Variants in FECH observed in about 807,000 individuals in gnomAD.
The protein encoded by FECH is ferrochelatase.
In FECH, 40 loss-of-function variants were observed where a neutral mutation model predicts 56.9. The observed-to-expected ratio is 0.70, with a 90% CI of 0.55 to 0.92. The LOEUF is 0.92. Among genes scored for constraint, FECH ranks in the 40% least tolerant of loss-of-function variants. The pLI is 0.00. For missense variants in FECH, 431 were observed against 529.1 expected (o/e 0.81, Z 1.82); for synonymous variants, 175 against 198.6 (o/e 0.88, Z 1.00).
At chr18:57,581,036 G>A (rs2051270281) in intron 1 of FECH, among the ~76,000 whole-genome samples, 1 of 152,164 alleles carries the variant, frequency 6.6e-6, no homozygotes, top group Non-Finnish European at 1.5e-5. Flanking sequence ...CTGTCTGTGA[G>A]GCTCCCCACA....
Position 57,562,852 on chromosome 18 carries a change from C to G in FECH, c.705+22G>C, listed in dbSNP as rs1013913755. ...TCACACTAGATGCTGGGGTGACAGGCAGCTGGCAAGCACTGGCTTACCTGG... is the reference window on the plus strand; with the variant it reads ...TCACACTAGATGCTGGGGTGACAGGGAGCTGGCAAGCACTGGCTTACCTGG... On this transcript the variant is annotated intron_variant, in intron 6 of 10. Transcript: ENST00000262093. 2.5e-6 allele frequency: 4 copies of G among 1,594,392 alleles called. No homozygotes were observed. In the African/African-American group the frequency reaches 4.0e-5, roughly 16 times the overall value.
intron 6 of FECH, among the ~76,000 whole-genome samples, chr18:57,561,867 T>C (rs1402305291): frequency 2.6e-5 from 4 of 152,190 alleles, no homozygotes; most frequent in Non-Finnish European, 5.9e-5. Context: ...CAGCCATCAA[T>C]GGTGCACACA....
At chr18:57,560,378 C>A (rs1413613827) in intron 6 of FECH, among the ~76,000 whole-genome samples, 1 of 152,262 alleles carries the variant, frequency 6.6e-6, no homozygotes, top group Non-Finnish European at 1.5e-5. Flanking sequence ...AGGCCAGACG[C>A]AGTGGCTCAC....
At chr18:57,581,178 G>A (rs981432874) in intron 1 of FECH, among the ~76,000 whole-genome samples, 3 of 152,178 alleles carry the variant, frequency 2.0e-5, no homozygotes, top group African/African-American at 7.2e-5. Context: ...TGTGATCAAG[G>A]TCTATTTGTC....
intron 4 of FECH, among the ~76,000 whole-genome samples, chr18:57,570,050 T>A (rs1301958114): frequency 2.7e-5 from 3 of 110,168 alleles, no homozygotes; most frequent in Non-Finnish European, 6.5e-5. Flanking sequence ...TGTGTGTGTG[T>A]GTGTGTGTGT....
rs1186054364 is a variant in FECH, at chr18:57,572,593, G to GT, written c.314+652_314+653insA. ...TTCACATTTGTGTAACGAAGTGGGG[G>GT]GGGGGGTGTGCATGTGTGTATGTAT... On this transcript the variant is annotated intron_variant, in intron 3 of 10. Coordinates refer to ENST00000262093, the MANE Select transcript of FECH (RefSeq NM_000140.5). 6.2e-4 allele frequency among the ~76,000 whole-genome samples: 89 copies of GT among 142,602 alleles called. 5 individuals carry two copies. The highest frequency in any genetic ancestry group is 2.1e-3 in the African/African-American group (83 of 38,690). 93.6% of individuals were successfully genotyped at this position (142,602 alleles called of 152,430 possible).
At chr18:57,564,968 C>A (rs117030230) in intron 5 of FECH, among the ~76,000 whole-genome samples, 1 of 152,316 alleles carries the variant, frequency 6.6e-6, no homozygotes, top group East Asian at 1.9e-4. Context: ...ATTTGAGTGG[C>A]CTCGAAGAAT....
chr18:57,558,561 A>G (rs539993813), intron 7 of FECH, among the ~76,000 whole-genome samples: 10 of 152,338 alleles, frequency 6.6e-5, no homozygotes, highest in African/African-American at 1.7e-4. Flanking sequence ...GGCAGGCAAA[A>G]GCAGCCTTCT....
intron 6 of FECH, among the ~76,000 whole-genome samples, chr18:57,561,105 G>C (rs1389697323): frequency 1.3e-5 from 2 of 152,130 alleles, no homozygotes; most frequent in African/African-American, 4.8e-5. Context: ...CCTCAGCCTA[G>C]ATAAGGAGGC....
In FECH at chr18:57,586,537, G is replaced by A. The variant is rs1395375179; in HGVS notation, c.67+17C>T. On this transcript the variant is annotated intron_variant, in intron 1 of 10. Transcript: ENST00000262093. ...AGGGATCCTGGCCCTGGCGGCCGCC[G>A]CGACAGACCCACTTACGCGGATCGC... 1.3e-6 allele frequency: 2 copies of A among 1,519,636 alleles called. No homozygotes were observed. The highest frequency in any genetic ancestry group is 1.2e-5 in the South Asian group (1 of 82,508). The allele number at this position is 1,519,636 out of a possible 1,614,324, so 94.1% of individuals were successfully genotyped here.
At chr18:57,582,944 G>A (rs936180281) in intron 1 of FECH, among the ~76,000 whole-genome samples, 2 of 151,728 alleles carry the variant, frequency 1.3e-5, no homozygotes, top group African/African-American at 2.4e-5. Context: ...GCGGTGGGGA[G>A]GGACTAGATT....
chr18:57,563,400 G>A (rs1278654101), intron 5 of FECH, among the ~76,000 whole-genome samples: 5 of 151,884 alleles, frequency 3.3e-5, no homozygotes, highest in African/African-American at 9.7e-5. Context: ...TGACCAACGT[G>A]GAGAAACCCT....
chr18:57,577,793 A>G (rs1299946190), intron 2 of FECH, among the ~76,000 whole-genome samples: 1 of 152,154 alleles, frequency 6.6e-6, no homozygotes, highest in Admixed American at 6.5e-5. Context: ...GGTCGCTCAC[A>G]CCTGTAATCC....
chr18:57,551,193 T>G (rs1052529491), intron 10 of FECH, 122 bp downstream of exon 10: 5 of 785,358 alleles, frequency 6.4e-6, no homozygotes, highest in Non-Finnish European at 1.1e-5. Context: ...TCGATTTTAT[T>G]TTTGTAATTA....
intron 7 of FECH, 149 bp from the exon 8 acceptor site, chr18:57,555,101 C>G: frequency 2.8e-6 from 2 of 703,394 alleles, no homozygotes; most frequent in East Asian, 2.7e-5. Context: ...AGTTCAATCA[C>G]CAAACTTCCT....
intron 9 of FECH, among the ~76,000 whole-genome samples, chr18:57,552,130 C>T (rs931166220): frequency 4.6e-5 from 7 of 151,488 alleles, no homozygotes; most frequent in African/African-American, 1.7e-4. Flanking sequence ...ACGATCCACC[C>T]GCCTCAGCCT....
In FECH at chr18:57,546,584, C is replaced by T. The variant is rs1383039998; in HGVS notation, c.*4128G>A. ...TTTCTTGAATTAAATATGGAATTTA[C>T]TAGAAAGATTAGCCCACCTCTTGCA... On this transcript the variant is annotated 3_prime_UTR_variant, in exon 11 of 11. Transcript: ENST00000262093. Among the ~76,000 whole-genome samples, 1 of 152,204 alleles carries T rather than the reference C, an allele frequency of 6.6e-6. No homozygotes were observed. Among genetic ancestry groups the T allele is most frequent in the Non-Finnish European group, 1.5e-5 (1 of 68,040 alleles).
At chr18:57,585,001 A>G (rs2122379695) in intron 1 of FECH, among the ~76,000 whole-genome samples, 1 of 150,726 alleles carries the variant, frequency 6.6e-6, no homozygotes, top group Non-Finnish European at 1.5e-5. Context: ...ACAGAGCAAC[A>G]CTCCATCTCT....
In FECH at chr18:57,586,656, C is replaced by A; in HGVS notation, c.-36G>T. 1 of 1,487,436 alleles carries A rather than the reference C, an allele frequency of 6.7e-7. No individual in the cohort carries two copies. Among genetic ancestry groups the A allele is most frequent in the African/African-American group, 1.5e-5 (1 of 68,514 alleles). 92.1% of individuals were successfully genotyped at this position (1,487,436 alleles called of 1,614,324 possible). ...GCCTCGGCCCGAGTCCGGGCTCCTC[C>A]CGCGGCGGCGCGCCCAGGTGTCCGC... is the stretch of plus-strand genomic sequence containing the variant. On this transcript the variant is annotated 5_prime_UTR_variant, in exon 1 of 11. Coordinates refer to ENST00000262093, the MANE Select transcript of FECH (RefSeq NM_000140.5).
Sources: allele counts gnomAD v4.1 joint callset (sites outside exome capture counted in the v4.1 genomes callset), GRCh38; gene constraint gnomAD v4.1.1; transcripts MANE v1.5; gene names NCBI Gene and HGNC (gene_info 2026-07-23, HGNC 2026-07-21).